Variants in CACNA2D3 observed in about 807,000 individuals in gnomAD.
CACNA2D3 encodes the protein voltage-dependent calcium channel subunit alpha-2/delta-3.
Under a neutral mutation model 160.6 loss-of-function variants are expected in CACNA2D3, and 60 were observed. The ratio of observed to expected loss-of-function variants is 0.37; its 90% CI spans 0.30 to 0.46. The LOEUF (loss-of-function observed/expected upper bound fraction) is 0.46. CACNA2D3 is among the 20% of genes least tolerant of loss of function. CACNA2D3 has a pLI of 1.00. For missense variants in CACNA2D3, 1,205 were observed against 1,365.0 expected (o/e 0.88, Z 1.85); for synonymous variants, 558 against 492.9 (o/e 1.13, Z -1.75).
At position 54,890,409 on chromosome 3, in the gene CACNA2D3, C is replaced by T. The variant is rs565549267; in HGVS notation, c.2151-946C>T. On this transcript the variant is annotated intron_variant, in intron 24 of 37. Transcript: ENST00000474759. ...TACTCGGGGGGCTGAGGCAGGAGAA[C>T]GGCATGAACCCGGGAGGCGGAGCTT... is the stretch of plus-strand genomic sequence containing the variant. Among the ~76,000 whole-genome samples, 8 of 147,584 alleles carry T rather than the reference C, an allele frequency of 5.4e-5. No homozygotes were observed. In the South Asian group the frequency reaches 8.5e-4, roughly 16 times the overall value.
At chr3:54,560,618 G>A (rs987519916) in intron 5 of CACNA2D3, among the ~76,000 whole-genome samples, 1 of 152,116 alleles carries the variant, frequency 6.6e-6, no homozygotes, top group African/African-American at 2.4e-5. Flanking sequence ...TGTTGCAATT[G>A]CTTTTGGTGT....
At chr3:54,174,814 T>C (rs1164000872) in intron 2 of CACNA2D3, among the ~76,000 whole-genome samples, 3 of 152,220 alleles carry the variant, frequency 2.0e-5, no homozygotes, top group Non-Finnish European at 4.4e-5. Flanking sequence ...CGTGAGCCAC[T>C]GTGCCTGGCC....
At chr3:54,265,516 C>CTG in intron 2 of CACNA2D3, among the ~76,000 whole-genome samples, 1 of 147,624 alleles carries the variant, frequency 6.8e-6, no homozygotes, top group East Asian at 2.0e-4. Context: ...CACATGTATC[C>CTG]CAGAACTTAA....
intron 13 of CACNA2D3, among the ~76,000 whole-genome samples, chr3:54,801,858 A>G (rs1702995815): frequency 6.6e-6 from 1 of 152,224 alleles, no homozygotes; most frequent in East Asian, 1.9e-4. Context: ...AGAAATCACT[A>G]TTAAATTATG....
Position 55,014,082 on chromosome 3 carries a change from G to T in CACNA2D3, c.2876-4124G>T, listed in dbSNP as rs1213177613. 2.6e-5 allele frequency among the ~76,000 whole-genome samples: 4 copies of T among 152,284 alleles called. 1 individual carries two copies. Among genetic ancestry groups the T allele is most frequent in the Admixed American group, 6.5e-5 (1 of 15,304 alleles). Reference sequence around the variant, plus strand: ...ATCACTCACTGCAGTGTGACCTTGGGCACGTGTCTTCGTTTCTGAGCTTTA... The same window carrying T: ...ATCACTCACTGCAGTGTGACCTTGGTCACGTGTCTTCGTTTCTGAGCTTTA... On this transcript the variant is annotated intron_variant, in intron 34 of 37. Transcript: ENST00000474759.
At chr3:54,871,473 G>A (rs1279901312) in intron 17 of CACNA2D3, 66 bp from the exon 18 acceptor site, 25 of 1,248,846 alleles carry the variant, frequency 2.0e-5, no homozygotes, top group Non-Finnish European at 2.8e-5. Context: ...GGAAGGTAAA[G>A]ATTGCCCTGG....
intron 2 of CACNA2D3, among the ~76,000 whole-genome samples, chr3:54,174,027 G>C (rs1043692253): frequency 6.6e-6 from 1 of 152,064 alleles, no homozygotes; most frequent in African/African-American, 2.4e-5. Flanking sequence ...GTTAGGTATC[G>C]GTAAACATTT....
At chr3:54,953,429 T>G (rs911314629) in intron 27 of CACNA2D3, among the ~76,000 whole-genome samples, 1 of 152,056 alleles carries the variant, frequency 6.6e-6, no homozygotes, top group Non-Finnish European at 1.5e-5. Context: ...CTCATGAAAT[T>G]CCCCACCCTC....
At chr3:54,155,574 A>G (rs1030112769) in intron 2 of CACNA2D3, among the ~76,000 whole-genome samples, 3 of 152,266 alleles carry the variant, frequency 2.0e-5, no homozygotes, top group Non-Finnish European at 2.9e-5. Context: ...CCTTAAATAC[A>G]ACATCGAGAT....
At chr3:54,210,289 T>C (rs1373194118) in intron 2 of CACNA2D3, among the ~76,000 whole-genome samples, 2 of 152,132 alleles carry the variant, frequency 1.3e-5, no homozygotes, top group Non-Finnish European at 2.9e-5. Flanking sequence ...TTGGGAACAA[T>C]GAGGTGACCT....
intron 14 of CACNA2D3, among the ~76,000 whole-genome samples, chr3:54,828,160 C>A (rs1404043345): frequency 6.6e-6 from 1 of 152,112 alleles, no homozygotes; most frequent in Non-Finnish European, 1.5e-5. Flanking sequence ...GTCCCAGGGC[C>A]CCAAAGCTCT....
chr3:54,959,774 T>C (rs1490650640), intron 27 of CACNA2D3, among the ~76,000 whole-genome samples: 1 of 152,194 alleles, frequency 6.6e-6, no homozygotes. Flanking sequence ...TTGAAAACTT[T>C]ATTGAAATAA....
intron 35 of CACNA2D3, among the ~76,000 whole-genome samples, chr3:55,065,182 A>G (rs1424637537): frequency 6.6e-6 from 1 of 152,182 alleles, no homozygotes; most frequent in African/African-American, 2.4e-5. Flanking sequence ...TTAGGCACCT[A>G]CTGAACAGAT....
intron 2 of CACNA2D3, among the ~76,000 whole-genome samples, chr3:54,200,643 G>A (rs865805218): frequency 7.9e-5 from 12 of 152,112 alleles, no homozygotes; most frequent in African/African-American, 2.4e-4. Context: ...AAATGCAAAC[G>A]ATCTCTAGCA....
chr3:54,274,789 C>T (rs954707537), intron 2 of CACNA2D3, among the ~76,000 whole-genome samples: 4 of 152,226 alleles, frequency 2.6e-5, no homozygotes, highest in African/African-American at 7.2e-5. Flanking sequence ...CCAGGCCTTG[C>T]TGGCTCCCTC....
chr3:54,464,530 G>T (rs1180560722), intron 4 of CACNA2D3, among the ~76,000 whole-genome samples: 1 of 152,222 alleles, frequency 6.6e-6, no homozygotes, highest in African/African-American at 2.4e-5. Flanking sequence ...ATCTCAGAGT[G>T]CTGTGCTAGC....
chr3:54,314,041 C>T (rs997483825), intron 2 of CACNA2D3, among the ~76,000 whole-genome samples: 12 of 152,058 alleles, frequency 7.9e-5, no homozygotes, highest in African/African-American at 2.2e-4. Context: ...TTTTATCCCT[C>T]GCCTGCTTCC....
intron 3 of CACNA2D3, among the ~76,000 whole-genome samples, chr3:54,330,046 G>T (rs1704209444): frequency 6.6e-6 from 1 of 152,184 alleles, no homozygotes; most frequent in Non-Finnish European, 1.5e-5. Flanking sequence ...TCAGTGGAGA[G>T]ATGACAGCCC....
intron 11 of CACNA2D3, among the ~76,000 whole-genome samples, chr3:54,713,135 C>G (rs1327199584): frequency 1.3e-5 from 2 of 152,162 alleles, no homozygotes; most frequent in Non-Finnish European, 2.9e-5. Context: ...CCCATTATGT[C>G]TTATCATTTA....
Sources: gnomAD v4.1 joint callset for allele counts (sites outside exome capture counted in the v4.1 genomes callset) on GRCh38, gnomAD v4.1.1 for gene constraint, MANE v1.5 for transcripts, NCBI Gene and HGNC (gene_info 2026-07-23, HGNC 2026-07-21) for gene names.